Variants in ZFPM2 observed in about 807,000 individuals in gnomAD.
ZFPM2 encodes the protein zinc finger protein ZFPM2.
Under a neutral mutation model 98.6 loss-of-function variants are expected in ZFPM2, and 20 were observed. The observed-to-expected ratio is 0.20, with a 90% CI of 0.14 to 0.29. The LOEUF (loss-of-function observed/expected upper bound fraction) is 0.29. Among genes scored for constraint, ZFPM2 ranks in the 10% least tolerant of loss-of-function variants. The pLI, the probability that ZFPM2 is intolerant of heterozygous loss-of-function variation, is 1.00. For missense variants in ZFPM2, 1,310 were observed against 1,388.6 expected, an observed-to-expected ratio of 0.94 and a Z score of 0.90; for synonymous variants, 518 against 502.7, an observed-to-expected ratio of 1.03 and a Z score of -0.41.
At chr8:105,460,107 A>G (rs1204879715) in intron 3 of ZFPM2, among the ~76,000 whole-genome samples, 2 of 152,144 alleles carry the variant, frequency 1.3e-5, no homozygotes, top group African/African-American at 4.8e-5. Context: ...AAGTGAGTGG[A>G]ACCCTGCAGC....
At chr8:105,651,271 A>T (rs1474858298) in intron 5 of ZFPM2, among the ~76,000 whole-genome samples, 2 of 151,950 alleles carry the variant, frequency 1.3e-5, no homozygotes, top group Non-Finnish European at 1.5e-5. Flanking sequence ...TTCCCCAGAA[A>T]CTCTATGTTT....
chr8:105,323,161 A>G (rs1221560388), intron 1 of ZFPM2, among the ~76,000 whole-genome samples: 3 of 151,742 alleles, frequency 2.0e-5, no homozygotes, highest in Non-Finnish European at 2.9e-5. Context: ...ATTGATATTC[A>G]ATCTATAATT....
intron 1 of ZFPM2, among the ~76,000 whole-genome samples, chr8:105,353,932 T>G (rs2129724652): frequency 6.6e-6 from 1 of 152,326 alleles, no homozygotes; most frequent in Non-Finnish European, 1.5e-5. Context: ...TGTGGCTTAA[T>G]TATACAGGTA....
At chr8:105,727,267 G>C (rs1259827971) in intron 5 of ZFPM2, among the ~76,000 whole-genome samples, 1 of 151,392 alleles carries the variant, frequency 6.6e-6, no homozygotes, top group African/African-American at 2.4e-5. Flanking sequence ...GGAGTTCAGG[G>C]CTGTAGGACT....
intron 1 of ZFPM2, among the ~76,000 whole-genome samples, chr8:105,336,676 A>G (rs1779027526): frequency 1.4e-5 from 2 of 145,020 alleles, no homozygotes; most frequent in South Asian, 2.2e-4. Context: ...TGATATTAAA[A>G]TGTAATATAC....
At chr8:105,543,934 C>T (rs1486565358) in intron 3 of ZFPM2, among the ~76,000 whole-genome samples, 1 of 152,124 alleles carries the variant, frequency 6.6e-6, no homozygotes, top group Non-Finnish European at 1.5e-5. Flanking sequence ...ACGCATGCTA[C>T]AGTGCTGTAG....
chr8:105,655,223 CTTT>C (rs34262627), intron 5 of ZFPM2, among the ~76,000 whole-genome samples: 2 of 76,096 alleles, frequency 2.6e-5, no homozygotes, highest in African/African-American at 1.0e-4. Context: ...TGCATTGAGT[CTTT>C]TTTTTTTTTT....
chr8:105,342,736 C>T (rs1387229386), intron 1 of ZFPM2, among the ~76,000 whole-genome samples: 29 of 151,746 alleles, frequency 1.9e-4, no homozygotes, highest in Non-Finnish European at 1.5e-5. Context: ...ACTTGCTTTC[C>T]CTTACCAATT....
chr8:105,788,086 T>G (rs946322201), intron 5 of ZFPM2, among the ~76,000 whole-genome samples: 4 of 152,056 alleles, frequency 2.6e-5, no homozygotes, highest in Admixed American at 1.3e-4. Context: ...TCAGGGTAAA[T>G]GGAGATGAAG....
intron 4 of ZFPM2, among the ~76,000 whole-genome samples, chr8:105,566,803 G>T (rs773673290): frequency 2.6e-5 from 4 of 152,084 alleles, no homozygotes; most frequent in African/African-American, 9.7e-5. Flanking sequence ...TAAACTCATC[G>T]CAACCTGTTA....
chr8:105,625,525 G>A (rs1816635395), intron 4 of ZFPM2, among the ~76,000 whole-genome samples: 1 of 151,478 alleles, frequency 6.6e-6, no homozygotes, highest in Admixed American at 6.6e-5. Context: ...GGCTCGCTGT[G>A]TTTGGTACTT....
chr8:105,410,951 C>A (rs1811564579), intron 1 of ZFPM2, among the ~76,000 whole-genome samples: 1 of 151,798 alleles, frequency 6.6e-6, no homozygotes, highest in Non-Finnish European at 1.5e-5. Context: ...TATCTCACAT[C>A]TTCAAGATGA....
At chr8:105,638,050 G>A (rs1201517921) in intron 5 of ZFPM2, among the ~76,000 whole-genome samples, 1 of 151,586 alleles carries the variant, frequency 6.6e-6, no homozygotes, top group East Asian at 1.9e-4. Flanking sequence ...GCTTGATTCA[G>A]TTGCTCAAAC....
At chr8:105,452,979 G>A (rs1812517543) in intron 3 of ZFPM2, among the ~76,000 whole-genome samples, 1 of 151,912 alleles carries the variant, frequency 6.6e-6, no homozygotes, top group Non-Finnish European at 1.5e-5. Context: ...TAACTTAAGT[G>A]GGCTTAAAAT....
At chr8:105,712,921 G>A (rs1417313605) in intron 5 of ZFPM2, among the ~76,000 whole-genome samples, 1 of 151,978 alleles carries the variant, frequency 6.6e-6, no homozygotes, top group Non-Finnish European at 1.5e-5. Context: ...GTGTTCTGTG[G>A]CGTATATTCA....
chr8:105,532,832 A>G (rs951091385), intron 3 of ZFPM2, among the ~76,000 whole-genome samples: 1 of 151,172 alleles, frequency 6.6e-6, no homozygotes, highest in African/African-American at 2.4e-5. Context: ...GGAAGAAACT[A>G]GAAAGTAAGA....
rs1491387691 is a variant in ZFPM2 at position 105,330,579 on chromosome 8, T to TATATAC, written c.40+11599_40+11600insTATACA. ...ATATATATATATATACATATATATA[T>TATATAC]ACATATATATATATACATATATATA... On this transcript the variant is annotated intron_variant, in intron 1 of 7. Coordinates refer to ENST00000407775, the MANE Select transcript of ZFPM2 (RefSeq NM_012082.4). 3.0e-3 allele frequency among the ~76,000 whole-genome samples: 293 copies of TATATAC among 96,420 alleles called. 1 individual carries two copies. The highest frequency in any genetic ancestry group is 0.012 in the African/African-American group (286 of 22,960). 63.3% of individuals were successfully genotyped at this position (96,420 alleles called of 152,430 possible).
intron 4 of ZFPM2, among the ~76,000 whole-genome samples, chr8:105,580,466 G>A (rs1056606554): frequency 4.6e-5 from 7 of 152,126 alleles, no homozygotes; most frequent in African/African-American, 1.7e-4. Flanking sequence ...GTAGGCTCAT[G>A]TCCATGTGAA....
chr8:105,686,960 C>T (rs1424875934), intron 5 of ZFPM2, among the ~76,000 whole-genome samples: 1 of 152,196 alleles, frequency 6.6e-6, no homozygotes, highest in Non-Finnish European at 1.5e-5. Flanking sequence ...CCAGGCTCCC[C>T]TCTTCCTTCT....
Sources: allele counts gnomAD v4.1 joint callset (sites outside exome capture counted in the v4.1 genomes callset), GRCh38; gene constraint gnomAD v4.1.1; transcripts MANE v1.5; gene names NCBI Gene and HGNC (gene_info 2026-07-23, HGNC 2026-07-21).